The following RBFOX1 variants were observed in gnomAD, a reference collection of about 807,000 sequenced individuals.
The protein encoded by RBFOX1 is RNA binding protein fox-1 homolog 1.
In RBFOX1, 8 loss-of-function variants were observed where a neutral mutation model predicts 57.7. The ratio of observed to expected loss-of-function variants is 0.14; its 90% CI spans 0.08 to 0.25. The LOEUF (loss-of-function observed/expected upper bound fraction) is 0.25, where lower values mean the gene tolerates loss of function less well. RBFOX1 is among the 10% of genes least tolerant of loss of function. The pLI is 1.00. For missense variants in RBFOX1, 611 were observed against 548.5 expected (o/e 1.11, Z -1.14); for synonymous variants, 326 against 222.4 (o/e 1.47, Z -4.15).
At chr16:6,720,827 T>C (rs181450476) in intron 3 of RBFOX1, among the ~76,000 whole-genome samples, 1 of 152,204 alleles carries the variant, frequency 6.6e-6, no homozygotes, top group Non-Finnish European at 1.5e-5. Context: ...GTTGCTGAAG[T>C]GTATCCCACA....
chr16:7,684,185 A>C (rs1470112067), intron 14 of RBFOX1, among the ~76,000 whole-genome samples: 1 of 152,114 alleles, frequency 6.6e-6, no homozygotes, highest in Non-Finnish European at 1.5e-5. Flanking sequence ...TGTGTAGTAC[A>C]TGCATGTAAG....
intron 3 of RBFOX1, among the ~76,000 whole-genome samples, chr16:6,816,645 C>A (rs1159083940): frequency 6.7e-6 from 1 of 149,274 alleles, no homozygotes; most frequent in Non-Finnish European, 1.5e-5. Context: ...GAGGCTGAGG[C>A]AGGAGAATGG....
chr16:5,953,194 C>A (rs1373121654), intron 4 of RBFOX1, among the ~76,000 whole-genome samples: 2 of 152,124 alleles, frequency 1.3e-5, no homozygotes, highest in East Asian at 3.9e-4. Flanking sequence ...TGCCCTGGGG[C>A]CATGTTTCTC....
chr16:7,321,248 G>A (rs1171124511), intron 4 of RBFOX1, among the ~76,000 whole-genome samples: 4 of 152,162 alleles, frequency 2.6e-5, no homozygotes, highest in Admixed American at 6.5e-5. Flanking sequence ...GGGTTAAAGC[G>A]ATTGTCCTGC....
intron 3 of RBFOX1, among the ~76,000 whole-genome samples, chr16:5,655,154 ATC>A (rs903460874): frequency 7.7e-4 from 118 of 152,292 alleles, no homozygotes; most frequent in Middle Eastern, 3.4e-3. Context: ...TTTGTTTGCT[ATC>A]TGGAATTTAG....
chr16:6,238,680 G>T (rs2097524148), intron 1 of RBFOX1, among the ~76,000 whole-genome samples: 1 of 152,060 alleles, frequency 6.6e-6, no homozygotes, highest in Non-Finnish European at 1.5e-5. Context: ...GCAGCTTTAT[G>T]CTTTTTTTAT....
At chr16:7,349,306 C>G (rs888601430) in intron 4 of RBFOX1, among the ~76,000 whole-genome samples, 1 of 152,162 alleles carries the variant, frequency 6.6e-6, no homozygotes, top group African/African-American at 2.4e-5. Context: ...CTCCTTCTCT[C>G]AAACCAAACG....
intron 14 of RBFOX1, among the ~76,000 whole-genome samples, chr16:7,692,387 G>C (rs2077536899): frequency 6.6e-6 from 1 of 152,010 alleles, no homozygotes; most frequent in South Asian, 2.1e-4. Context: ...TTTAAGAAAT[G>C]CTCCATCACT....
At chr16:7,248,842 C>T (rs73552733) in intron 4 of RBFOX1, among the ~76,000 whole-genome samples, 1 of 152,158 alleles carries the variant, frequency 6.6e-6, no homozygotes, top group Non-Finnish European at 1.5e-5. Context: ...TAGCTGTCAT[C>T]TATTTGTAAT....
intron 4 of RBFOX1, among the ~76,000 whole-genome samples, chr16:5,957,260 G>T (rs951949732): frequency 6.6e-6 from 1 of 151,984 alleles, no homozygotes; most frequent in East Asian, 1.9e-4. Context: ...TGTTGCCCAG[G>T]CTGGAGTGCA....
chr16:5,432,555 GTTTGTT>G (rs1159166693), intron 1 of RBFOX1, among the ~76,000 whole-genome samples: 1 of 75,590 alleles, frequency 1.3e-5, no homozygotes, highest in African/African-American at 5.0e-5. Context: ...TTTTTTGTTT[GTTTGTT>G]TTTTTTTTTT....
intron 1 of RBFOX1, among the ~76,000 whole-genome samples, chr16:5,362,705 C>A (rs1049190076): frequency 1.3e-5 from 2 of 152,084 alleles, no homozygotes; most frequent in East Asian, 3.9e-4. Context: ...ACTCCCCACC[C>A]TCTCCCCTCA....
intron 1 of RBFOX1, among the ~76,000 whole-genome samples, chr16:6,072,439 A>G (rs1334402801): frequency 6.6e-6 from 1 of 152,176 alleles, no homozygotes; most frequent in Non-Finnish European, 1.5e-5. Flanking sequence ...CTTTGCTATC[A>G]TGACTTCATT....
chr16:6,775,301 G>T (rs1603619852), intron 3 of RBFOX1, among the ~76,000 whole-genome samples: 1 of 133,172 alleles, frequency 7.5e-6, no homozygotes, highest in African/African-American at 2.9e-5. Flanking sequence ...CCGCACTCCA[G>T]CCTGGGCGAT....
rs532373728 is a variant in RBFOX1, at chr16:6,852,346, A to C, written c.-16+197696A>C. ...GGTTGCGTGTAGGGCCCTCTGGATA[A>C]TCCAGGTTGATCACCCATTTTGTGA... is the stretch of plus-strand genomic sequence containing the variant. On this transcript the variant is annotated intron_variant, in intron 3 of 15. Coordinates refer to ENST00000550418, the MANE Select transcript of RBFOX1 (RefSeq NM_018723.4). Among the ~76,000 whole-genome samples, 15 of 152,116 alleles carry C rather than the reference A, an allele frequency of 9.9e-5. No homozygotes were observed. The South Asian group carries it at 3.1e-3, about 32-fold the overall frequency.
intron 2 of RBFOX1, among the ~76,000 whole-genome samples, chr16:6,456,789 C>T (rs893289710): frequency 9.2e-5 from 14 of 152,104 alleles, no homozygotes; most frequent in Non-Finnish European, 1.6e-4. Context: ...ATCAATTGTA[C>T]ATGAAGAATG....
At chr16:7,455,923 CT>C (rs567131726) in intron 4 of RBFOX1, among the ~76,000 whole-genome samples, 3 of 152,136 alleles carry the variant, frequency 2.0e-5, no homozygotes, top group South Asian at 2.1e-4. Context: ...TACAGCACCC[CT>C]ATTAGGTAAA....
In RBFOX1 at chr16:7,586,717, G is replaced by A. The variant is rs149411429; in HGVS notation, c.415-530G>A. 3.8e-3 allele frequency among the ~76,000 whole-genome samples: 580 copies of A among 152,276 alleles called. 2 individuals carry two copies. The highest frequency in any genetic ancestry group is 6.4e-3 in the Non-Finnish European group (433 of 68,026). On this transcript the variant is annotated intron_variant, in intron 6 of 15. Coordinates refer to ENST00000550418, the MANE Select transcript of RBFOX1 (RefSeq NM_018723.4). ...TTCAGCCCAAGCACTGATCACAACT[G>A]CTGATACCATCATGATGATAGTGCC...
At chr16:6,418,019 G>T (rs192536825) in intron 2 of RBFOX1, among the ~76,000 whole-genome samples, 2 of 152,236 alleles carry the variant, frequency 1.3e-5, no homozygotes, top group East Asian at 3.9e-4. Context: ...TCAAATAAGA[G>T]ACACAGGCCA....
Sources: gnomAD v4.1 joint callset for allele counts (sites outside exome capture counted in the v4.1 genomes callset) on GRCh38, gnomAD v4.1.1 for gene constraint, MANE v1.5 for transcripts, NCBI Gene and HGNC (gene_info 2026-07-23, HGNC 2026-07-21) for gene names.